RNLS: variants seen among roughly 807,000 people sequenced by gnomAD.
The protein encoded by RNLS is renalase, FAD dependent amine oxidase.
In RNLS, 39 loss-of-function variants were observed where a neutral mutation model predicts 39.8. That is an observed-to-expected ratio of 0.98 (90% CI 0.76 to 1.28). RNLS has a LOEUF of 1.28. Ranked by LOEUF, RNLS falls within the 50% of genes most tolerant of loss-of-function variation. RNLS has a pLI of 0.00. For missense variants in RNLS, 410 were observed against 413.3 expected, an observed-to-expected ratio of 0.99 and a Z score of 0.07; for synonymous variants, 147 against 150.7, an observed-to-expected ratio of 0.98 and a Z score of 0.18.
chr10:88,315,542 GAGAGA>G (rs1845693448), intron 5 of RNLS, among the ~76,000 whole-genome samples: 1 of 152,162 alleles, frequency 6.6e-6, no homozygotes, highest in African/African-American at 2.4e-5. Context: ...TCCCCCTCCT[GAGAGA>G]AGAGAATATT....
intron 4 of RNLS, among the ~76,000 whole-genome samples, chr10:88,382,312 C>T (rs1457030046): frequency 6.6e-6 from 1 of 152,028 alleles, no homozygotes; most frequent in Non-Finnish European, 1.5e-5. Flanking sequence ...TTGTGCATGA[C>T]ACTTTGGCTA....
At chr10:88,435,718 G>A (rs1265366303) in intron 4 of RNLS, among the ~76,000 whole-genome samples, 1 of 152,118 alleles carries the variant, frequency 6.6e-6, no homozygotes, top group Non-Finnish European at 1.5e-5. Context: ...GCACAAAGTG[G>A]AGATAATGAT....
At chr10:88,324,999 G>T (rs1164414260) in intron 5 of RNLS, among the ~76,000 whole-genome samples, 5 of 152,114 alleles carry the variant, frequency 3.3e-5, no homozygotes, top group East Asian at 3.8e-4. Flanking sequence ...AAGGCCAAAT[G>T]ATATTCCACC....
At chr10:88,316,694 A>C (rs532594031) in intron 5 of RNLS, among the ~76,000 whole-genome samples, 1 of 152,334 alleles carries the variant, frequency 6.6e-6, no homozygotes, top group Non-Finnish European at 1.5e-5. Context: ...TCCCATTTAC[A>C]TTAACCATCC....
At chr10:88,206,056 T>C in the RNLS span, among the ~76,000 whole-genome samples, 1 of 152,184 alleles carries the variant, frequency 6.6e-6, no homozygotes, top group African/African-American at 2.4e-5. Flanking sequence ...TGGGGCTCAA[T>C]AATTAACCTT....
intron 5 of RNLS, among the ~76,000 whole-genome samples, chr10:88,359,378 A>G (rs1366097046): frequency 6.6e-6 from 1 of 152,134 alleles, no homozygotes; most frequent in Admixed American, 6.5e-5. Flanking sequence ...AAATAGAGTG[A>G]AGTTACATTA....
At chr10:88,465,557 G>A (rs936046512) in intron 4 of RNLS, among the ~76,000 whole-genome samples, 2 of 152,062 alleles carry the variant, frequency 1.3e-5, no homozygotes, top group African/African-American at 2.4e-5. Context: ...ATAGGTGGGT[G>A]CAGGGGGATG....
the RNLS span, among the ~76,000 whole-genome samples, chr10:88,175,509 T>G: frequency 6.6e-6 from 1 of 152,206 alleles, no homozygotes; most frequent in Admixed American, 6.5e-5. Flanking sequence ...TCATTGGTTA[T>G]TCAGGAAGAT....
chr10:88,276,298 C>A (rs917013215), intron 6 of RNLS, among the ~76,000 whole-genome samples: 7 of 151,650 alleles, frequency 4.6e-5, no homozygotes, highest in African/African-American at 1.7e-4. Context: ...TCAAGTAGAC[C>A]AATTTGTATT....
intron 4 of RNLS, among the ~76,000 whole-genome samples, chr10:88,504,312 T>C (rs566672617): frequency 6.6e-6 from 1 of 152,202 alleles, no homozygotes; most frequent in Non-Finnish European, 1.5e-5. Flanking sequence ...TCTTTATGAG[T>C]TGATACTAGG....
intron 4 of RNLS, among the ~76,000 whole-genome samples, chr10:88,487,694 TATATTTAAC>T (rs2134049039): frequency 6.6e-6 from 1 of 152,258 alleles, no homozygotes; most frequent in East Asian, 1.9e-4. Flanking sequence ...AGTTTAAGCA[TATATTTAAC>T]ATATGATCCA....
chr10:88,239,261 C>T, the RNLS span, among the ~76,000 whole-genome samples: 2 of 152,136 alleles, frequency 1.3e-5, no homozygotes, highest in South Asian at 4.1e-4. Context: ...CGCAGAGTAA[C>T]TGAACTCTTT....
At chr10:88,505,466 GGA>G (rs1331109692) in intron 4 of RNLS, among the ~76,000 whole-genome samples, 5 of 151,460 alleles carry the variant, frequency 3.3e-5, no homozygotes, top group East Asian at 1.9e-4. Context: ...AGGACGGGAA[GGA>G]GAGACAGAAA....
intron 4 of RNLS, among the ~76,000 whole-genome samples, chr10:88,545,675 A>C (rs1029329347): frequency 2.0e-5 from 3 of 152,208 alleles, no homozygotes; most frequent in Admixed American, 6.5e-5. Context: ...GTAACAATAC[A>C]GAGTCAAAAT....
chr10:88,569,066 CAG>C (rs2134426960), intron 4 of RNLS, among the ~76,000 whole-genome samples: 1 of 152,292 alleles, frequency 6.6e-6, no homozygotes, highest in South Asian at 2.1e-4. Context: ...CCACTAGAGA[CAG>C]GGTGAACATT....
In RNLS at chr10:88,573,061, C is replaced by A. The variant is rs771032028; in HGVS notation, c.368G>T (p.Gly123Val). 6.2e-7 allele frequency: 1 copy of A among 1,612,960 alleles called. No individual in the cohort carries two copies. The highest frequency in any genetic ancestry group is 8.5e-7 in the Non-Finnish European group (1 of 1,179,316). Residue 123 changes from glycine to valine, a missense_variant and splice_region_variant, in exon 4 of 7, where the codon GGT (glycine) becomes GTT (valine). By Grantham distance (109) the Gly-to-Val change is moderately radical. Transcript: ENST00000331772. ...SIIKHYLKES[G>V]AEVYFRHRVT... is the part of the protein sequence containing the mutation. ...ACGATGTCTGAAGTAGACTTCTGCA[C>A]CTGTTCCAAAAGCAAAATCATGTCC...
chr10:88,514,839 T>A (rs888295360), intron 4 of RNLS, among the ~76,000 whole-genome samples: 3 of 152,084 alleles, frequency 2.0e-5, no homozygotes, highest in Admixed American at 2.0e-4. Flanking sequence ...GCAATAAACA[T>A]GGAAATGCTG....
chr10:88,263,234 G>GA, the RNLS span, among the ~76,000 whole-genome samples: 1 of 152,072 alleles, frequency 6.6e-6, no homozygotes, highest in African/African-American at 2.4e-5. Context: ...TTCATGACGA[G>GA]AATTTGAGCA....
intron 4 of RNLS, among the ~76,000 whole-genome samples, chr10:88,422,710 T>G (rs6586132): frequency 0.64 from 97,040 of 151,884 alleles, 31,268 homozygotes; most frequent in African/African-American, 0.72. Context: ...ATTATTTTCT[T>G]TCTGTGTTGT....
Sources: gnomAD v4.1 joint callset for allele counts (sites outside exome capture counted in the v4.1 genomes callset) on GRCh38, gnomAD v4.1.1 for gene constraint, MANE v1.5 for transcripts, NCBI Gene and HGNC (gene_info 2026-07-23, HGNC 2026-07-21) for gene names.